Variants in SPOCK1 observed in about 807,000 individuals in gnomAD.
The protein encoded by SPOCK1 is SPARC (osteonectin), cwcv and kazal like domains proteoglycan 1.
Under a neutral mutation model 55.3 loss-of-function variants are expected in SPOCK1, and 23 were observed. That is an observed-to-expected ratio of 0.42 (90% confidence interval 0.30 to 0.59). The LOEUF is 0.59. Among genes scored for constraint, SPOCK1 ranks in the 20% least tolerant of loss-of-function variants. The probability of loss-of-function intolerance (pLI) is 0.22; values close to 1 mark genes in which losing one functional copy is unlikely to be tolerated. For synonymous variants in SPOCK1, 226 were observed against 221.0 expected (o/e 1.02, Z -0.20); for missense variants, 499 against 552.5 (o/e 0.90, Z 0.97).
At chr5:137,419,768 C>T (rs1375709449) in intron 2 of SPOCK1, among the ~76,000 whole-genome samples, 1 of 152,222 alleles carries the variant, frequency 6.6e-6, no homozygotes, top group Non-Finnish European at 1.5e-5. Context: ...TTGACTTCCT[C>T]TTTTCCTAAT....
chr5:137,441,022 C>T (rs997757234), intron 2 of SPOCK1, among the ~76,000 whole-genome samples: 6 of 152,150 alleles, frequency 3.9e-5, no homozygotes, highest in Non-Finnish European at 7.4e-5. Flanking sequence ...AAGGAGTTTT[C>T]TCATAATGAC....
chr5:137,079,686 A>C, intron 5 of SPOCK1, among the ~76,000 whole-genome samples: 1 of 152,216 alleles, frequency 6.6e-6, no homozygotes, highest in African/African-American at 2.4e-5. Flanking sequence ...CTGACTCTTC[A>C]ACAACATGCA....
intron 2 of SPOCK1, among the ~76,000 whole-genome samples, chr5:137,382,163 A>T (rs1012066791): frequency 1.3e-5 from 2 of 152,264 alleles, no homozygotes; most frequent in African/African-American, 4.8e-5. Flanking sequence ...GCTAAAGCAT[A>T]GCAAGAATGA....
intron 2 of SPOCK1, among the ~76,000 whole-genome samples, chr5:137,310,052 A>T (rs1757763274): frequency 6.6e-6 from 1 of 152,136 alleles, no homozygotes; most frequent in Middle Eastern, 3.2e-3. Flanking sequence ...GAGAGCATAG[A>T]CTTTCAAGCC....
chr5:137,386,522 T>C (rs1321835459), intron 2 of SPOCK1, among the ~76,000 whole-genome samples: 1 of 152,232 alleles, frequency 6.6e-6, no homozygotes, highest in Non-Finnish European at 1.5e-5. Flanking sequence ...TAGACCCACA[T>C]AGATGTAGTC....
rs1008667536 is a variant in SPOCK1, at chr5:136,987,720, C to T, written c.928+702G>A. Among the ~76,000 whole-genome samples the T allele has an allele frequency of 1.3e-5, 2 of 151,864 alleles. 1 individual carries two copies. The highest frequency in any genetic ancestry group is 1.3e-4 in the Admixed American group (2 of 15,284). Reference sequence around the variant, plus strand: ...CTGGCGGTGGGATATACCAGCTATGCCTGTAGTTGTATGTTCTCCCGATGT... The same window carrying T: ...CTGGCGGTGGGATATACCAGCTATGTCTGTAGTTGTATGTTCTCCCGATGT... On this transcript the variant is annotated intron_variant, in intron 8 of 10. Coordinates refer to ENST00000394945, the MANE Select transcript of SPOCK1 (RefSeq NM_004598.4).
intron 2 of SPOCK1, among the ~76,000 whole-genome samples, chr5:137,313,946 A>T (rs559611849): frequency 1.2e-4 from 18 of 149,180 alleles, no homozygotes; most frequent in African/African-American, 4.2e-4. Context: ...CTCTGGCTAG[A>T]GCCTGCTTTT....
intron 3 of SPOCK1, among the ~76,000 whole-genome samples, chr5:137,257,879 C>G (rs1041597034): frequency 1.3e-5 from 2 of 152,196 alleles, no homozygotes; most frequent in Non-Finnish European, 1.5e-5. Flanking sequence ...TCGTGTGTGT[C>G]TCTTGGCTCT....
chr5:137,486,906 G>A (rs1330399187), intron 2 of SPOCK1, among the ~76,000 whole-genome samples: 2 of 152,216 alleles, frequency 1.3e-5, no homozygotes, highest in Non-Finnish European at 2.9e-5. Context: ...TCATGACAAG[G>A]CTGGCTGACT....
At chr5:137,057,786 T>G (rs927274343) in intron 6 of SPOCK1, among the ~76,000 whole-genome samples, 2 of 152,230 alleles carry the variant, frequency 1.3e-5, no homozygotes, top group African/African-American at 4.8e-5. Context: ...TTCAATTTAT[T>G]TTTTATTGTA....
At chr5:137,175,816 C>A (rs767042135) in intron 3 of SPOCK1, among the ~76,000 whole-genome samples, 1 of 152,172 alleles carries the variant, frequency 6.6e-6, no homozygotes, top group African/African-American at 2.4e-5. Context: ...ATCTCCACCA[C>A]CATCCATTTA....
chr5:137,218,101 A>T (rs1343424358), intron 3 of SPOCK1, among the ~76,000 whole-genome samples: 1 of 152,204 alleles, frequency 6.6e-6, no homozygotes, highest in Non-Finnish European at 1.5e-5. Flanking sequence ...TGTGACCACA[A>T]ATCCATTTCT....
intron 2 of SPOCK1, among the ~76,000 whole-genome samples, chr5:137,301,420 C>G (rs183699049): frequency 1.3e-5 from 2 of 152,154 alleles, no homozygotes; most frequent in African/African-American, 4.8e-5. Context: ...GCAGGTAGTA[C>G]CATATTCTGC....
Position 136,976,664 on chromosome 5 carries a change from A to G in SPOCK1, c.*1990T>C, listed in dbSNP as rs779558823. On this transcript the variant is annotated 3_prime_UTR_variant, in exon 11 of 11. Coordinates refer to ENST00000394945, the MANE Select transcript of SPOCK1 (RefSeq NM_004598.4). ...TTTCTAAATTATCTCAGTTTTGTTC[A>G]AGAGAGAAAAAAAATATTGAAACAA... 6.6e-6 allele frequency: 1 copy of G among 152,606 alleles called. No individual in the cohort carries two copies. The highest frequency in any genetic ancestry group is 1.5e-5 in the Non-Finnish European group (1 of 68,038). 9.5% of individuals were successfully genotyped at this position (152,606 alleles called of 1,614,324 possible).
At chr5:137,346,963 C>T (rs1258770666) in intron 2 of SPOCK1, among the ~76,000 whole-genome samples, 1 of 152,100 alleles carries the variant, frequency 6.6e-6, no homozygotes, top group Non-Finnish European at 1.5e-5. Context: ...CCAACGGCAC[C>T]TCCTAATGGG....
At chr5:137,331,544 T>C (rs925222249) in intron 2 of SPOCK1, among the ~76,000 whole-genome samples, 1 of 152,220 alleles carries the variant, frequency 6.6e-6, no homozygotes, top group Non-Finnish European at 1.5e-5. Context: ...TGTATAAGCA[T>C]GGTGCCGGCG....
At chr5:137,230,649 T>C (rs953253354) in intron 3 of SPOCK1, among the ~76,000 whole-genome samples, 9 of 152,240 alleles carry the variant, frequency 5.9e-5, no homozygotes, top group African/African-American at 2.2e-4. Context: ...TATATCCTTT[T>C]CTGAAAATAT....
chr5:137,058,037 T>C (rs1005955790), intron 6 of SPOCK1, among the ~76,000 whole-genome samples: 19 of 152,168 alleles, frequency 1.2e-4, no homozygotes, highest in African/African-American at 4.6e-4. Flanking sequence ...TCTTTCACTT[T>C]GGAAAAATCC....
intron 6 of SPOCK1, among the ~76,000 whole-genome samples, chr5:137,001,871 G>T (rs951616909): frequency 2.6e-5 from 4 of 152,014 alleles, no homozygotes; most frequent in African/African-American, 9.7e-5. Flanking sequence ...CTTACTGAAG[G>T]GATTTAAAAA....
Sources: allele counts gnomAD v4.1 joint callset (sites outside exome capture counted in the v4.1 genomes callset), GRCh38; gene constraint gnomAD v4.1.1; transcripts MANE v1.5; gene names NCBI Gene and HGNC (gene_info 2026-07-23, HGNC 2026-07-21).